CLIP1: variants seen among roughly 807,000 people sequenced by gnomAD.
The protein encoded by CLIP1 is CAP-Gly domain-containing linker protein 1.
A neutral mutation model predicts 161.6 loss-of-function variants in CLIP1; 66 were observed. That is an observed-to-expected ratio of 0.41 (90% CI 0.33 to 0.50). The LOEUF is 0.50. Ranked by LOEUF, CLIP1 falls within the 20% of genes least tolerant of loss-of-function variation. CLIP1 has a pLI of 0.27. For synonymous variants in CLIP1, 598 were observed against 626.2 expected (o/e 0.96, Z 0.67); for missense variants, 1,376 against 1,702.0 (o/e 0.81, Z 3.37).
intron 1 of CLIP1, among the ~76,000 whole-genome samples, chr12:122,412,163 G>A (rs909239688): frequency 5.4e-5 from 8 of 149,286 alleles, no homozygotes. Flanking sequence ...CAACCTCCTG[G>A]GCTCAAGGAA....
intron 1 of CLIP1, among the ~76,000 whole-genome samples, chr12:122,401,288 C>G (rs1258707850): frequency 1.3e-5 from 2 of 152,184 alleles, no homozygotes; most frequent in Non-Finnish European, 2.9e-5. Flanking sequence ...CTTTGGGAGG[C>G]TGAGGTGGCA....
At chr12:122,333,267 A>C in intron 14 of CLIP1, 124 bp from the exon 15 acceptor site, 2 of 698,132 alleles carry the variant, frequency 2.9e-6, no homozygotes, top group Non-Finnish European at 4.7e-6. Context: ...ATCACATTCT[A>C]GTGAAGAAGG....
rs1259256535 is a variant in CLIP1 at position 122,309,798 on chromosome 12, C to A, written c.3558G>T (p.Leu1186=). ...TTGTGACTTCGTCCCTGCTTCTCCC[C>A]AGCTCCTCAGCAAGTTTAACGTTCT... ...QEENVKLAEE[L]GRSRDEVTSH... is the part of the protein sequence containing the mutation. Residue 1186 remains leucine, a synonymous_variant, in exon 20 of 26, where the codon CTG becomes CTT. Coordinates refer to ENST00000620786, the MANE Select transcript of CLIP1 (RefSeq NM_001247997.2). The A allele has an allele frequency of 1.2e-6, 2 of 1,613,304 alleles. No homozygotes were observed. Among genetic ancestry groups the A allele is most frequent in the Admixed American group, 3.3e-5 (2 of 60,018 alleles).
intron 9 of CLIP1, among the ~76,000 whole-genome samples, chr12:122,349,847 C>A (rs1014508073): frequency 6.6e-6 from 1 of 152,120 alleles, no homozygotes; most frequent in African/African-American, 2.4e-5. Context: ...CAAAAAGGAA[C>A]CCTTCAGAAC....
chr12:122,328,083 G>T lies in CLIP1; in HGVS notation c.3113C>A (p.Thr1038Asn), dbSNP rs145767151. 6 of 1,614,106 alleles carry T rather than the reference G, an allele frequency of 3.7e-6. No homozygotes were observed. In the African/African-American group the frequency reaches 5.3e-5, roughly 14 times the overall value. Residue 1038 changes from threonine to asparagine, a missense_variant, in exon 17 of 26, where the codon ACC becomes AAC. By Grantham distance (65) the Thr-to-Asn change is moderately conservative. Transcript: ENST00000620786. ...GTTCTGTAGGATTTCTTCATGCTTG[G>T]TTTTTGTCTCAGAAGTGGCTCTCTC... ...RYERATSETK[T>N]KHEEILQNLQ...
chr12:122,402,398 G>C (rs567016858), intron 1 of CLIP1, among the ~76,000 whole-genome samples: 1 of 151,904 alleles, frequency 6.6e-6, no homozygotes, highest in Non-Finnish European at 1.5e-5. Context: ...GAGATGGGAC[G>C]ACTGCTTGAG....
At chr12:122,374,315 CAA>C (rs537296671) in intron 3 of CLIP1, among the ~76,000 whole-genome samples, 5 of 45,932 alleles carry the variant, frequency 1.1e-4, no homozygotes, top group Middle Eastern at 0.013. Flanking sequence ...ACTAAAAATA[CAA>C]AAAAAAAAAA....
intron 3 of CLIP1, among the ~76,000 whole-genome samples, chr12:122,367,091 C>A (rs368478896): frequency 1.3e-5 from 2 of 152,176 alleles, no homozygotes; most frequent in African/African-American, 4.8e-5. Flanking sequence ...GTGTTAAATT[C>A]TTTGGGGATG....
At chr12:122,361,203 A>G (rs751498992) in intron 4 of CLIP1, 22 bp from the exon 5 acceptor site, 2 of 1,557,660 alleles carry the variant, frequency 1.3e-6, no homozygotes, top group Admixed American at 3.6e-5. Context: ...AATAAGAACA[A>G]TAACAAAAAA....
chr12:122,304,400 G>T (rs1230228274), intron 20 of CLIP1, among the ~76,000 whole-genome samples: 3 of 152,014 alleles, frequency 2.0e-5, no homozygotes, highest in Non-Finnish European at 4.4e-5. Flanking sequence ...TTGCTCTGTC[G>T]CCCAGGCTGG....
In CLIP1 at chr12:122,272,918, A is replaced by C; in HGVS notation, c.4274T>G (p.Phe1425Cys). Reference sequence around the variant, plus strand: ...ATTGCAGTTGGTGGCCCAGTGTCCAAACATCTCACAGATTTCACAGTATGG... The same window carrying C: ...ATTGCAGTTGGTGGCCCAGTGTCCACACATCTCACAGATTTCACAGTATGG... ...ERPYCEICEM[F>C]GHWATNCNDD... Residue 1425 changes from phenylalanine (F) to cysteine (C), a missense_variant, in exon 26 of 26, where the codon TTT (phenylalanine) becomes TGT (cysteine). Phe to Cys is a radical substitution (Grantham distance 205). Around this residue, in one of 6 missense-constraint regions of CLIP1, gnomAD observed 948 missense variants for 1,134.8 expected, o/e 0.84. Transcript: ENST00000620786. 1 of 1,614,178 alleles carries C rather than the reference A, an allele frequency of 6.2e-7. No individual in the cohort carries two copies. The highest frequency in any genetic ancestry group is 8.5e-7 in the Non-Finnish European group (1 of 1,180,038).
chr12:122,313,737 A>AAC (rs1593042581), intron 19 of CLIP1, among the ~76,000 whole-genome samples: 10 of 151,980 alleles, frequency 6.6e-5, no homozygotes, highest in East Asian at 3.9e-4. Context: ...ACAACAACAA[A>AAC]AAAAAACTAT....
chr12:122,323,054 A>T lies in CLIP1; in HGVS notation c.3250-3706T>A, dbSNP rs1951576017. ...GAGTTTCATATTCTCTTGCACAACT[A>T]AACTTCTGTTTGCAGACTCTTGATC... On this transcript the variant is annotated intron_variant, in intron 17 of 25. Transcript: ENST00000620786. This position sits in a 1 kb window ranked among gnomAD's most constrained non-coding sequence, Gnocchi z 4.1. 1 of 152,592 alleles carries T rather than the reference A, an allele frequency of 6.6e-6. No homozygotes were observed. Among genetic ancestry groups the T allele is most frequent in the Non-Finnish European group, 1.5e-5 (1 of 68,032 alleles). 9.5% of individuals were successfully genotyped at this position (152,592 alleles called of 1,614,324 possible).
At chr12:122,382,000 G>A (rs1955029680) in intron 1 of CLIP1, among the ~76,000 whole-genome samples, 2 of 152,156 alleles carry the variant, frequency 1.3e-5, no homozygotes, top group Admixed American at 6.6e-5. Flanking sequence ...CAAGGTGGAC[G>A]GATCACTTGA....
chr12:122,372,418 GAA>G (rs372785821), intron 3 of CLIP1, among the ~76,000 whole-genome samples: 68 of 137,734 alleles, frequency 4.9e-4, no homozygotes, highest in African/African-American at 1.7e-3. Context: ...CTGGTCTAAA[GAA>G]AAAAAAAAAA....
chr12:122,347,425 A>G lies in CLIP1; in HGVS notation c.1456T>C (p.Phe486Leu). The G allele has an allele frequency of 6.2e-7, 1 of 1,613,956 alleles. No homozygotes were observed. Among genetic ancestry groups the G allele is most frequent in the Non-Finnish European group, 8.5e-7 (1 of 1,179,798 alleles). ...RIKELEQSLL[F>L]EKTKADKLQR... The stretch of plus-strand genomic sequence containing the variant: ...AGTTTGTCAGCTTTGGTCTTTTCAA[A>G]GAGCAGGCTCTGTTCAAGCTCCTTA... The change falls in exon 10 of 26, where the codon TTT (phenylalanine) becomes CTT (leucine). Residue 486 changes from phenylalanine (F) to leucine (L), a missense_variant. Physicochemically the swap from Phe to Leu is conservative, Grantham distance 22. Coordinates refer to ENST00000620786, the MANE Select transcript of CLIP1 (RefSeq NM_001247997.2).
intron 24 of CLIP1, chr12:122,277,674 G>A (rs978047522): frequency 6.6e-6 from 1 of 152,388 alleles, no homozygotes; most frequent in Non-Finnish European, 1.5e-5. Context: ...AATTCCTTAC[G>A]GCATTGTTTA....
intron 1 of CLIP1, among the ~76,000 whole-genome samples, chr12:122,420,779 T>C (rs549670214): frequency 2.6e-5 from 4 of 151,734 alleles, no homozygotes; most frequent in Non-Finnish European, 4.4e-5. Context: ...CTACCACAGA[T>C]ACAAAAATTA....
chr12:122,349,971 C>T (rs1952945367), intron 9 of CLIP1, among the ~76,000 whole-genome samples: 1 of 151,052 alleles, frequency 6.6e-6, no homozygotes, highest in African/African-American at 2.4e-5. Flanking sequence ...GTGGCATGAT[C>T]TCCTGTCACT....
Sources: gnomAD v4.1 joint callset for allele counts (sites outside exome capture counted in the v4.1 genomes callset) on GRCh38, gnomAD v4.1.1 for gene constraint, gnomAD v4.1.1 regional missense constraint, Gnocchi (gnomAD v3.1) non-coding constraint, MANE v1.5 for transcripts, NCBI Gene and HGNC (gene_info 2026-07-23, HGNC 2026-07-21) for gene names.